Variants in TRAPPC10 observed in about 807,000 individuals in gnomAD.
TRAPPC10 encodes the protein trafficking protein particle complex subunit 10.
TRAPPC10 carries 23 observed loss-of-function variants against 125.5 expected under a neutral mutation model. The ratio of observed to expected loss-of-function variants is 0.18; its 90% CI spans 0.13 to 0.26. TRAPPC10 has a LOEUF of 0.26. Ranked by LOEUF, TRAPPC10 falls within the 10% of genes least tolerant of loss-of-function variation. The pLI, the probability that TRAPPC10 is intolerant of heterozygous loss-of-function variation, is 1.00. For synonymous variants in TRAPPC10, 509 were observed against 518.0 expected, an observed-to-expected ratio of 0.98 and a Z score of 0.24; for missense variants, 1,123 against 1,308.4, an observed-to-expected ratio of 0.86 and a Z score of 2.19.
intron 18 of TRAPPC10, among the ~76,000 whole-genome samples, chr21:44,090,196 G>C (rs1164408512): frequency 6.6e-6 from 1 of 152,008 alleles, no homozygotes. Context: ...CAGACCACTA[G>C]ATCTCTGTTC....
intron 14 of TRAPPC10, 108 bp from the exon 15 acceptor site, chr21:44,084,014 A>G: frequency 2.3e-6 from 3 of 1,296,172 alleles, no homozygotes; most frequent in Non-Finnish European, 3.2e-6. Flanking sequence ...GAGGGAAAGA[A>G]GTACAGGCCT....
chr21:44,069,514 G>A (rs2036698195), intron 7 of TRAPPC10, among the ~76,000 whole-genome samples: 1 of 152,182 alleles, frequency 6.6e-6, no homozygotes, highest in Admixed American at 6.5e-5. Context: ...GGTATCAGTG[G>A]GAGGGTGGAG....
intron 7 of TRAPPC10, among the ~76,000 whole-genome samples, chr21:44,065,608 T>G (rs1327299599): frequency 6.6e-6 from 1 of 152,210 alleles, no homozygotes; most frequent in Non-Finnish European, 1.5e-5. Context: ...TCAGTCTCTT[T>G]CCTTCTAAGA....
At position 44,087,434 on chromosome 21, in the gene TRAPPC10, C is replaced by A. The variant is rs1233350228; in HGVS notation, c.2540-265C>A. Among the ~76,000 whole-genome samples, 1 of 152,192 alleles carries A rather than the reference C, an allele frequency of 6.6e-6. No homozygotes were observed. The highest frequency in any genetic ancestry group is 1.9e-4 in the East Asian group (1 of 5,192). ...GAACGGGAGAAAGTCATGCAGGGAC[C>A]TACACAGGACTTGGGTGGGCCCCGT... On this transcript the variant is annotated intron_variant, in intron 16 of 22. Coordinates refer to ENST00000291574, the MANE Select transcript of TRAPPC10 (RefSeq NM_003274.5). This position sits in a 1 kb window ranked among gnomAD's most constrained non-coding sequence, Gnocchi z 4.6.
chr21:44,063,922 A>C lies in TRAPPC10; in HGVS notation c.1038+137A>C, dbSNP rs188276762. The C allele has an allele frequency of 3.2e-6, 4 of 1,244,956 alleles. No homozygotes were observed. The East Asian group carries it at 9.4e-5, about 29-fold the overall frequency. The allele number at this position is 1,244,956 out of a possible 1,614,324, so 77.1% of individuals were successfully genotyped here. ...TCTGAATGCCTTTAATTTTCAGTAT[A>C]TTGTTTGCTTAGTTACTTTTTACGT... On this transcript the variant is annotated intron_variant, in intron 7 of 22. Transcript: ENST00000291574. This position sits in a 1 kb window ranked among gnomAD's most constrained non-coding sequence, Gnocchi z 4.4.
chr21:44,070,491 C>T (rs538912602), intron 7 of TRAPPC10, among the ~76,000 whole-genome samples: 2 of 152,326 alleles, frequency 1.3e-5, no homozygotes, highest in East Asian at 3.9e-4. Context: ...CAGTCTCAGG[C>T]TCTCAGGGCA....
intron 1 of TRAPPC10, among the ~76,000 whole-genome samples, chr21:44,029,536 A>G (rs1601587703): frequency 6.6e-6 from 1 of 152,298 alleles, no homozygotes; most frequent in African/African-American, 2.4e-5. Flanking sequence ...ATTTTTCTTC[A>G]CATTGTTAAT....
chr21:44,060,275 CTTTTTTTTT>C, intron 6 of TRAPPC10: 1 of 126,744 alleles, frequency 7.9e-6, no homozygotes, highest in South Asian at 2.5e-4. Flanking sequence ...TTTTATGTGT[CTTTTTTTTT>C]TTTTTTTTTG....
chr21:44,016,900 C>T (rs1348101799), intron 1 of TRAPPC10, among the ~76,000 whole-genome samples: 3 of 152,176 alleles, frequency 2.0e-5, no homozygotes, highest in African/African-American at 4.8e-5. Context: ...TGTGATCTGC[C>T]CGCCTCAGCC....
intron 3 of TRAPPC10, among the ~76,000 whole-genome samples, chr21:44,044,408 T>C (rs887193758): frequency 1.4e-4 from 22 of 152,256 alleles, no homozygotes; most frequent in African/African-American, 4.8e-4. Flanking sequence ...AACTCTGTTA[T>C]GTTGAATAGT....
intron 3 of TRAPPC10, among the ~76,000 whole-genome samples, chr21:44,049,624 C>A (rs1246659848): frequency 6.6e-6 from 1 of 152,196 alleles, no homozygotes; most frequent in Non-Finnish European, 1.5e-5. Flanking sequence ...AATCCTTCAT[C>A]ATCTCACTTG....
intron 19 of TRAPPC10, among the ~76,000 whole-genome samples, chr21:44,093,671 T>A (rs765633986): frequency 6.6e-6 from 1 of 150,850 alleles, no homozygotes; most frequent in Non-Finnish European, 1.5e-5. Flanking sequence ...TGCGGAAGAA[T>A]CACTTGAACC....
chr21:44,013,162 G>C (rs905678673), intron 1 of TRAPPC10, among the ~76,000 whole-genome samples: 3 of 151,216 alleles, frequency 2.0e-5, no homozygotes. Context: ...TGCTCCCCAT[G>C]AACAGCCTCC....
At chr21:44,090,914 C>T (rs1047628322) in intron 18 of TRAPPC10, among the ~76,000 whole-genome samples, 3 of 152,100 alleles carry the variant, frequency 2.0e-5, no homozygotes, top group African/African-American at 7.2e-5. Context: ...ATTTTTCAGC[C>T]GGGCGTGGTG....
At position 44,012,317 on chromosome 21, in the gene TRAPPC10, G is replaced by C. The variant is rs1176427047; in HGVS notation, c.-177G>C. 1 of 171,906 alleles carries C rather than the reference G, an allele frequency of 5.8e-6. No individual in the cohort carries two copies. Among genetic ancestry groups the C allele is most frequent in the East Asian group, 1.9e-4 (1 of 5,292 alleles). 10.6% of individuals were successfully genotyped at this position (171,906 alleles called of 1,614,324 possible). On this transcript the variant is annotated 5_prime_UTR_variant, in exon 1 of 23. Transcript: ENST00000291574. ...GGAAATGGTCATGCGGCGGCGCCGA[G>C]GCCGGAAGTGGCTGAGGCCGGCAGC...
rs1168156827 is a variant in TRAPPC10, at chr21:44,059,354, T to G, written c.790+140T>G. 7.2e-6 allele frequency: 5 copies of G among 691,748 alleles called. No homozygotes were observed. In the African/African-American group the frequency reaches 9.0e-5, roughly 12 times the overall value. 42.9% of individuals were successfully genotyped at this position (691,748 alleles called of 1,614,324 possible). On this transcript the variant is annotated intron_variant, in intron 6 of 22. Transcript: ENST00000291574. This position sits in a 1 kb window ranked among gnomAD's most constrained non-coding sequence, Gnocchi z 4.4. ...CTTTATACACATTATATCGGATATA[T>G]TCTCGTGATTCCTAGAGGAAATGAA... is the stretch of plus-strand genomic sequence containing the variant.
intron 1 of TRAPPC10, among the ~76,000 whole-genome samples, chr21:44,028,123 A>G (rs1391190017): frequency 6.6e-6 from 1 of 152,202 alleles, no homozygotes; most frequent in African/African-American, 2.4e-5. Context: ...CTTTGAACAT[A>G]AAAGGTTTTA....
chr21:44,043,150 A>G (rs1466611281), intron 3 of TRAPPC10, among the ~76,000 whole-genome samples: 1 of 150,620 alleles, frequency 6.6e-6, no homozygotes, highest in East Asian at 1.9e-4. Flanking sequence ...TATTCTAGAC[A>G]CTTTGGTTCT....
At chr21:44,092,394 G>T (rs2038645996) in intron 19 of TRAPPC10, among the ~76,000 whole-genome samples, 1 of 152,230 alleles carries the variant, frequency 6.6e-6, no homozygotes, top group Non-Finnish European at 1.5e-5. Context: ...CAGTGCCAGA[G>T]CGATGGTGCC....
Sources: gnomAD v4.1 joint callset for allele counts (sites outside exome capture counted in the v4.1 genomes callset) on GRCh38, gnomAD v4.1.1 for gene constraint, Gnocchi (gnomAD v3.1) non-coding constraint, MANE v1.5 for transcripts, NCBI Gene and HGNC (gene_info 2026-07-23, HGNC 2026-07-21) for gene names.